BIN3: variants seen among roughly 807,000 people sequenced by gnomAD.
BIN3 encodes the protein bridging integrator 3.
Under a neutral mutation model 38.2 loss-of-function variants are expected in BIN3, and 41 were observed. That is an observed-to-expected ratio of 1.07 (90% CI 0.84 to 1.39). The LOEUF (loss-of-function observed/expected upper bound fraction) is 1.39, where lower values mean the gene tolerates loss of function less well. Ranked by LOEUF, BIN3 falls within the 40% of genes most tolerant of loss-of-function variation. BIN3 has a pLI of 0.00. For synonymous variants in BIN3, 145 were observed against 122.6 expected (o/e 1.18, Z -1.21); for missense variants, 361 against 324.3 (o/e 1.11, Z -0.87).
intron 8 of BIN3, among the ~76,000 whole-genome samples, chr8:22,622,938 C>T (rs923271176): frequency 6.6e-6 from 1 of 152,224 alleles, no homozygotes; most frequent in Non-Finnish European, 1.5e-5. Flanking sequence ...GAACCCTGCT[C>T]AGGTGTCCTG....
intron 4 of BIN3, among the ~76,000 whole-genome samples, chr8:22,631,957 G>T (rs1402074384): frequency 2.0e-5 from 3 of 152,240 alleles, no homozygotes; most frequent in African/African-American, 7.2e-5. Context: ...GGGTCATGCT[G>T]GCCTGATGCC....
intron 4 of BIN3, among the ~76,000 whole-genome samples, chr8:22,632,114 A>G (rs576690074): frequency 3.9e-4 from 60 of 152,322 alleles, no homozygotes; most frequent in Non-Finnish European, 7.5e-4. Flanking sequence ...GGGAGAAAAA[A>G]TTGTTGTCAA....
chr8:22,668,688 G>C (rs1043936984), intron 1 of BIN3, among the ~76,000 whole-genome samples: 1 of 152,258 alleles, frequency 6.6e-6, no homozygotes, highest in Non-Finnish European at 1.5e-5. Flanking sequence ...GCGGGGCAGA[G>C]ATGCCCACAG....
chr8:22,636,476 C>G, intron 4 of BIN3, 49 bp downstream of exon 4: 1 of 1,542,148 alleles, frequency 6.5e-7, no homozygotes, highest in Non-Finnish European at 8.8e-7. Context: ...AGGGTGCCCA[C>G]CTCTGCCCCA....
chr8:22,660,849 A>G (rs745645983), intron 1 of BIN3, among the ~76,000 whole-genome samples: 5 of 152,172 alleles, frequency 3.3e-5, no homozygotes, highest in Non-Finnish European at 7.4e-5. Flanking sequence ...AGGCTCCCTG[A>G]GTATCGCACC....
chr8:22,622,880 G>A (rs980937886), intron 8 of BIN3, among the ~76,000 whole-genome samples: 1 of 152,212 alleles, frequency 6.6e-6, no homozygotes, highest in Non-Finnish European at 1.5e-5. Context: ...CCCTAAAGAT[G>A]GCACAGGACC....
chr8:22,639,332 A>G (rs1585188830), intron 2 of BIN3, among the ~76,000 whole-genome samples: 1 of 152,196 alleles, frequency 6.6e-6, no homozygotes, highest in East Asian at 1.9e-4. Flanking sequence ...TCTAGGCTCA[A>G]GCAATACTTC....
At chr8:22,658,605 C>T (rs2117591812) in intron 1 of BIN3, among the ~76,000 whole-genome samples, 1 of 152,294 alleles carries the variant, frequency 6.6e-6, no homozygotes, top group Admixed American at 6.5e-5. Flanking sequence ...GGAGGGATCC[C>T]CTGGTCACCC....
intron 8 of BIN3, 37 bp from the exon 9 acceptor site, chr8:22,621,605 C>T: frequency 1.2e-6 from 2 of 1,604,532 alleles, no homozygotes; most frequent in Non-Finnish European, 1.7e-6. Flanking sequence ...GTGCTGGCTC[C>T]AGGGAACCGT....
chr8:22,662,983 G>A (rs1219625518), intron 1 of BIN3, among the ~76,000 whole-genome samples: 1 of 152,086 alleles, frequency 6.6e-6, no homozygotes. Context: ...CTAAAAAATG[G>A]TGGTGCATGC....
chr8:22,637,139 T>G (rs748370346), intron 2 of BIN3, among the ~76,000 whole-genome samples, 177 bp from the exon 3 acceptor site: 1 of 152,100 alleles, frequency 6.6e-6, no homozygotes, highest in Non-Finnish European at 1.5e-5. Flanking sequence ...CCCAAGTTAA[T>G]TAAGTGTTTG....
chr8:22,648,894 CGTATGTATGTAT>C lies in BIN3; in HGVS notation c.9-4103_9-4092del, dbSNP rs56065322. Among the ~76,000 whole-genome samples, 397 of 148,014 alleles carry C rather than the reference CGTATGTATGTAT, an allele frequency of 2.7e-3. 3 individuals carry two copies. Among genetic ancestry groups the C allele is most frequent in the Admixed American group, 4.2e-3 (62 of 14,864 alleles). On this transcript the variant is annotated intron_variant, in intron 1 of 8. Coordinates refer to ENST00000276416, the MANE Select transcript of BIN3 (RefSeq NM_018688.6). ...TGTCCCTTTGACATATCCACATCAA[CGTATGTATGTAT>C]GTATGTATGTATGTATGTATGTATG...
At chr8:22,661,035 C>T (rs1444208353) in intron 1 of BIN3, among the ~76,000 whole-genome samples, 1 of 152,144 alleles carries the variant, frequency 6.6e-6, no homozygotes, top group Non-Finnish European at 1.5e-5. Context: ...AGGCTTGCAC[C>T]ACTACCCCTG....
chr8:22,624,003 T>G lies in BIN3; in HGVS notation c.527A>C (p.Asn176Thr). Residue 176 changes from asparagine to threonine, a missense_variant, in exon 8 of 9, where the codon AAC (asparagine) becomes ACC (threonine). By Grantham distance (65) the Asn-to-Thr change is moderately conservative. Coordinates refer to ENST00000276416, the MANE Select transcript of BIN3 (RefSeq NM_018688.6). ...CGGCATCTCCTCCAGCAGCTGCCTG[T>G]TCTTGGCTTCAAAGTCCTCCCGCAC... ...RPVREDFEAK[N>T]RQLLEEMPRF... 1 of 1,613,208 alleles carries G rather than the reference T, an allele frequency of 6.2e-7. No homozygotes were observed. Among genetic ancestry groups the G allele is most frequent in the Middle Eastern group, 1.7e-4 (1 of 6,050 alleles).
intron 1 of BIN3, among the ~76,000 whole-genome samples, chr8:22,666,380 GA>G (rs1803419045): frequency 7.5e-6 from 1 of 133,134 alleles, no homozygotes; most frequent in African/African-American, 2.7e-5. Flanking sequence ...AGAAAGTTGG[GA>G]GGGGGGCAAA....
intron 1 of BIN3, among the ~76,000 whole-genome samples, chr8:22,645,859 C>T (rs1169850761): frequency 4.6e-5 from 7 of 152,130 alleles, no homozygotes; most frequent in African/African-American, 1.4e-4. Context: ...TGGATTATTT[C>T]CCTGGGAAAA....
chr8:22,656,895 G>C (rs1169652884), intron 1 of BIN3, among the ~76,000 whole-genome samples: 1 of 152,136 alleles, frequency 6.6e-6, no homozygotes, highest in Non-Finnish European at 1.5e-5. Context: ...GCTTGGTAAA[G>C]GGTACAGGCT....
chr8:22,642,572 C>A (rs995948090), intron 2 of BIN3, among the ~76,000 whole-genome samples: 2 of 152,220 alleles, frequency 1.3e-5, no homozygotes, highest in Non-Finnish European at 1.5e-5. Flanking sequence ...GTCAAATCAA[C>A]CAGCTTCCTG....
At chr8:22,625,734 T>C (rs1191262770) in intron 6 of BIN3, 4 of 253,106 alleles carry the variant, frequency 1.6e-5, no homozygotes, top group South Asian at 1.3e-4. Flanking sequence ...ATTACAGACG[T>C]GTGCCACTAC....
Sources: allele counts gnomAD v4.1 joint callset (sites outside exome capture counted in the v4.1 genomes callset), GRCh38; gene constraint gnomAD v4.1.1; transcripts MANE v1.5; gene names NCBI Gene and HGNC (gene_info 2026-07-23, HGNC 2026-07-21).